TAFA2: variants seen among roughly 807,000 people sequenced by gnomAD.
The protein encoded by TAFA2 is chemokine-like protein TAFA-2.
A neutral mutation model predicts 18.8 loss-of-function variants in TAFA2; 7 were observed. The ratio of observed to expected loss-of-function variants is 0.37; its 90% CI spans 0.21 to 0.70. The LOEUF (loss-of-function observed/expected upper bound fraction) is 0.70, where lower values mean the gene tolerates loss of function less well. Among genes scored for constraint, TAFA2 ranks in the 30% least tolerant of loss-of-function variants. The pLI is 0.53. For missense variants in TAFA2, 122 were observed against 158.1 expected, an observed-to-expected ratio of 0.77 and a Z score of 1.23; for synonymous variants, 60 against 54.2, an observed-to-expected ratio of 1.11 and a Z score of -0.47.
At chr12:62,097,535 TG>T (rs1365447541) in intron 1 of TAFA2, among the ~76,000 whole-genome samples, 4 of 152,210 alleles carry the variant, frequency 2.6e-5, no homozygotes, top group Non-Finnish European at 5.9e-5. Context: ...TTGTAGGTCA[TG>T]TTAAATATTT....
At chr12:62,114,687 A>T (rs1146083) in intron 1 of TAFA2, among the ~76,000 whole-genome samples, 11 of 151,888 alleles carry the variant, frequency 7.2e-5, no homozygotes, top group Non-Finnish European at 1.5e-4. Flanking sequence ...CCCATTTTAC[A>T]GAAAGGCAAA....
chr12:62,178,584 C>T (rs2062530882), intron 1 of TAFA2, among the ~76,000 whole-genome samples: 1 of 152,094 alleles, frequency 6.6e-6, no homozygotes, highest in South Asian at 2.1e-4. Context: ...GTTTATTATT[C>T]ATCATACAGC....
At chr12:61,791,906 T>C (rs150794277) in intron 2 of TAFA2, among the ~76,000 whole-genome samples, 542 of 151,838 alleles carry the variant, frequency 3.6e-3, no homozygotes, top group African/African-American at 0.012. Flanking sequence ...GTTGAAGAGA[T>C]ATCTGCACCA....
At chr12:62,104,633 CCA>C (rs1869362960) in intron 1 of TAFA2, 8 of 447,120 alleles carry the variant, frequency 1.8e-5, no homozygotes, top group South Asian at 1.3e-4. Context: ...TTGTATACAG[CCA>C]CACAGATACA....
At chr12:62,141,072 T>G (rs2062236162) in intron 1 of TAFA2, among the ~76,000 whole-genome samples, 1 of 152,152 alleles carries the variant, frequency 6.6e-6, no homozygotes, top group Non-Finnish European at 1.5e-5. Context: ...TTATCCTCAT[T>G]TTACAGTTTT....
chr12:61,920,354 G>A (rs1339329951), intron 1 of TAFA2, among the ~76,000 whole-genome samples: 1 of 152,070 alleles, frequency 6.6e-6, no homozygotes, highest in East Asian at 1.9e-4. Flanking sequence ...GAAACTTCTG[G>A]GAAATGAGGA....
chr12:61,887,979 A>G (rs1875463398), intron 1 of TAFA2, among the ~76,000 whole-genome samples: 1 of 152,248 alleles, frequency 6.6e-6, no homozygotes, highest in Non-Finnish European at 1.5e-5. Context: ...ACATGAAAAA[A>G]TGCTCACCAT....
intron 1 of TAFA2, among the ~76,000 whole-genome samples, chr12:61,900,230 A>T (rs1876038669): frequency 6.6e-6 from 1 of 152,174 alleles, no homozygotes; most frequent in East Asian, 1.9e-4. Context: ...CATGAGAAAA[A>T]ATTATTGGTC....
intron 1 of TAFA2, among the ~76,000 whole-genome samples, chr12:62,005,210 A>G (rs910378051): frequency 3.3e-5 from 5 of 152,122 alleles, no homozygotes; most frequent in African/African-American, 1.2e-4. Flanking sequence ...TAACTATGTG[A>G]GGTGACGGCA....
chr12:62,203,159 T>G (rs549714658), intron 1 of TAFA2, among the ~76,000 whole-genome samples: 1 of 152,222 alleles, frequency 6.6e-6, no homozygotes, highest in African/African-American at 2.4e-5. Context: ...AGGGGGTTTC[T>G]TAAGTCTTGA....
chr12:61,843,283 A>C (rs1292428702), intron 2 of TAFA2, among the ~76,000 whole-genome samples: 1 of 152,102 alleles, frequency 6.6e-6, no homozygotes, highest in African/African-American at 2.4e-5. Context: ...CGGCTCTGCC[A>C]CACTCTGTTC....
At chr12:61,747,724 G>A (rs1868793830) in intron 4 of TAFA2, among the ~76,000 whole-genome samples, 1 of 135,872 alleles carries the variant, frequency 7.4e-6, no homozygotes, top group Admixed American at 8.0e-5. Context: ...GTGGGGTGGG[G>A]GGAGCGGGGA....
rs567615468 is a variant in TAFA2, at chr12:61,781,591, GT to G, written c.107-26568del. Among the ~76,000 whole-genome samples, 13 of 151,756 alleles carry G rather than the reference GT, an allele frequency of 8.6e-5. No homozygotes were observed. The South Asian group carries it at 2.7e-3, about 31-fold the overall frequency. On this transcript the variant is annotated intron_variant, in intron 2 of 4. Coordinates refer to ENST00000416284, the MANE Select transcript of TAFA2 (RefSeq NM_178539.5). The stretch of plus-strand genomic sequence containing the variant: ...GCATCAAATTAGTGTGTGCATGTGT[GT>G]TTGTGTGTGTATGTGTGTGTACCAT...
chr12:62,103,498 C>T (rs528427998), intron 1 of TAFA2, among the ~76,000 whole-genome samples: 1 of 152,136 alleles, frequency 6.6e-6, no homozygotes, highest in South Asian at 2.1e-4. Context: ...CCCAGCATTA[C>T]AGGGAGGCTG....
intron 2 of TAFA2, among the ~76,000 whole-genome samples, chr12:61,816,815 T>C (rs1225066098): frequency 5.9e-5 from 9 of 151,322 alleles, no homozygotes; most frequent in Non-Finnish European, 1.0e-4. Flanking sequence ...GAGGCAGCCA[T>C]ACTTATTGCT....
rs551864208 is a variant in TAFA2 at position 62,154,105 on chromosome 12, G to A, written c.-2+37154C>T. Among the ~76,000 whole-genome samples the A allele has an allele frequency of 5.1e-4, 78 of 152,202 alleles. 1 individual carries two copies. The highest frequency in any genetic ancestry group is 1.8e-3 in the African/African-American group (76 of 41,530). On this transcript the variant is annotated intron_variant, in intron 1 of 4. Transcript: ENST00000416284. ...TAAATAATGTATTTTATTATTAAAGGAATGCATGTGGATAAACAAATGTGA... is the reference window on the plus strand; with the variant it reads ...TAAATAATGTATTTTATTATTAAAGAAATGCATGTGGATAAACAAATGTGA...
At chr12:61,762,482 T>C (rs1565625406) in intron 2 of TAFA2, among the ~76,000 whole-genome samples, 2 of 151,996 alleles carry the variant, frequency 1.3e-5, no homozygotes, top group African/African-American at 4.8e-5. Context: ...AAGCTGCCTT[T>C]AAATTATATA....
chr12:62,035,559 A>AG (rs1276092786), intron 1 of TAFA2, among the ~76,000 whole-genome samples: 1 of 151,384 alleles, frequency 6.6e-6, no homozygotes, highest in African/African-American at 2.4e-5. Flanking sequence ...AAAAATTAAA[A>AG]AAAAAAACCA....
chr12:61,725,333 G>T (rs762142233), intron 4 of TAFA2, among the ~76,000 whole-genome samples: 1 of 151,888 alleles, frequency 6.6e-6, no homozygotes, highest in Non-Finnish European at 1.5e-5. Flanking sequence ...TTTGCTTTTG[G>T]GTTCTTTGTC....
Sources: allele counts gnomAD v4.1 joint callset (sites outside exome capture counted in the v4.1 genomes callset), GRCh38; gene constraint gnomAD v4.1.1; transcripts MANE v1.5; gene names NCBI Gene and HGNC (gene_info 2026-07-23, HGNC 2026-07-21).